Variants in KREMEN1 observed in about 807,000 individuals in gnomAD.
KREMEN1 encodes the protein kringle containing transmembrane protein 1.
KREMEN1 carries 30 observed loss-of-function variants against 46.5 expected under a neutral mutation model. The ratio of observed to expected loss-of-function variants is 0.65; its 90% CI spans 0.48 to 0.88. The LOEUF (loss-of-function observed/expected upper bound fraction) is 0.88. KREMEN1 is among the 40% of genes least tolerant of loss of function. The pLI, the probability that KREMEN1 is intolerant of heterozygous loss-of-function variation, is 0.00. For synonymous variants in KREMEN1, 214 were observed against 230.6 expected (o/e 0.93, Z 0.65); for missense variants, 533 against 596.9 (o/e 0.89, Z 1.11).
intron 3 of KREMEN1, chr22:29,111,471 GGGC>G (rs1189405226): frequency 1.3e-5 from 2 of 151,728 alleles, no homozygotes; most frequent in African/African-American, 4.8e-5. Flanking sequence ...AAAATTAGCC[GGGC>G]GTGGTGGCGG....
At chr22:29,127,935 A>G (rs2038471852) in intron 5 of KREMEN1, among the ~76,000 whole-genome samples, 2 of 152,190 alleles carry the variant, frequency 1.3e-5, no homozygotes, top group Admixed American at 1.3e-4. Context: ...ATGCTACAAC[A>G]TGGATGAACC....
At chr22:29,157,017 A>C (rs1160903971) in intron 9 of KREMEN1, among the ~76,000 whole-genome samples, 2 of 152,182 alleles carry the variant, frequency 1.3e-5, no homozygotes, top group African/African-American at 4.8e-5. Flanking sequence ...CCTGCTGGTA[A>C]GTGGGGGTAA....
intron 9 of KREMEN1, among the ~76,000 whole-genome samples, chr22:29,159,707 G>T (rs1175402186): frequency 1.3e-5 from 2 of 152,208 alleles, no homozygotes; most frequent in Non-Finnish European, 2.9e-5. Flanking sequence ...GAGCAAGACT[G>T]GTCAGAAACA....
intron 1 of KREMEN1, among the ~76,000 whole-genome samples, chr22:29,085,759 G>C (rs773479788): frequency 7.9e-5 from 12 of 152,170 alleles, no homozygotes; most frequent in African/African-American, 2.7e-4. Flanking sequence ...TGGATAGCTT[G>C]AGCCCAGGAG....
At chr22:29,159,396 G>A (rs1222526246) in intron 9 of KREMEN1, among the ~76,000 whole-genome samples, 1 of 151,668 alleles carries the variant, frequency 6.6e-6, no homozygotes, top group Admixed American at 6.6e-5. Context: ...TGAGGCGGGT[G>A]GATCTTGAGG....
downstream of KREMEN1, among the ~76,000 whole-genome samples, chr22:29,150,961 C>T (rs545996737): frequency 6.6e-6 from 1 of 152,340 alleles, no homozygotes; most frequent in Admixed American, 6.5e-5. Flanking sequence ...GTCCTTACTC[C>T]TGTTGAGCTG....
intron 2 of KREMEN1, among the ~76,000 whole-genome samples, chr22:29,094,725 G>A (rs1288443383): frequency 3.3e-5 from 5 of 150,052 alleles, no homozygotes; most frequent in African/African-American, 9.8e-5. Context: ...CCGGGTTCAC[G>A]CCATTCTCCT....
rs145839321 is a variant in KREMEN1, at chr22:29,109,333, A to G, written c.352+10380A>G. 1.6e-3 allele frequency among the ~76,000 whole-genome samples: 239 copies of G among 152,310 alleles called. 6 individuals are homozygous for G. Among genetic ancestry groups the G allele is most frequent in the East Asian group, 3.9e-3 (20 of 5,190 alleles). ...AAAATCTTTATACCAGCACTTGCCT[A>G]TAAGGAAGAAATAGCCCCTCAATCT... On this transcript the variant is annotated intron_variant, in intron 3 of 8. Coordinates refer to ENST00000400335, the MANE Select transcript of KREMEN1 (RefSeq NM_001039570.3).
At chr22:29,141,307 G>A (rs920081528) in intron 8 of KREMEN1, among the ~76,000 whole-genome samples, 2 of 150,524 alleles carry the variant, frequency 1.3e-5, no homozygotes, top group Non-Finnish European at 2.9e-5. Context: ...GTCTGTGTGT[G>A]TGTGTATGTG....
At chr22:29,099,695 C>T (rs2037944077) in intron 3 of KREMEN1, among the ~76,000 whole-genome samples, 2 of 152,024 alleles carry the variant, frequency 1.3e-5, no homozygotes, top group Admixed American at 6.6e-5. Context: ...GGACTGCAGG[C>T]GTGCACCACC....
At chr22:29,159,810 C>T (rs764594310) in intron 9 of KREMEN1, among the ~76,000 whole-genome samples, 4 of 152,002 alleles carry the variant, frequency 2.6e-5, no homozygotes, top group East Asian at 1.9e-4. Context: ...GGATGAAGTC[C>T]GTGCCCATAT....
At chr22:29,160,141 C>T (rs1234009981) in intron 9 of KREMEN1, among the ~76,000 whole-genome samples, 3 of 152,140 alleles carry the variant, frequency 2.0e-5, no homozygotes, top group African/African-American at 7.2e-5. Flanking sequence ...AGATCAACCA[C>T]ATGCTCAGCC....
intron 5 of KREMEN1, among the ~76,000 whole-genome samples, chr22:29,131,217 A>AT (rs2038528348): frequency 6.6e-6 from 1 of 152,092 alleles, no homozygotes; most frequent in Non-Finnish European, 1.5e-5. Context: ...GAATAAACTG[A>AT]GATATACAGA....
At chr22:29,115,511 C>T (rs1393555678) in intron 3 of KREMEN1, among the ~76,000 whole-genome samples, 1 of 152,114 alleles carries the variant, frequency 6.6e-6, no homozygotes, top group East Asian at 1.9e-4. Context: ...AGTGCTTGTT[C>T]ATTCAGCATA....
chr22:29,139,665 C>T (rs2038729745), intron 7 of KREMEN1, among the ~76,000 whole-genome samples: 1 of 150,840 alleles, frequency 6.6e-6, no homozygotes, highest in South Asian at 2.1e-4. Flanking sequence ...CTCAGCTACT[C>T]GGGAGGCTGA....
intron 5 of KREMEN1, among the ~76,000 whole-genome samples, chr22:29,132,217 GT>G (rs950416078): frequency 3.3e-5 from 5 of 152,062 alleles, no homozygotes; most frequent in Admixed American, 2.0e-4. Context: ...TGTATCAGTA[GT>G]TTTTTTCCTT....
Position 29,144,083 on chromosome 22 carries a change from C to G in KREMEN1, c.*1971C>G. The G allele has an allele frequency of 1.0e-6, 1 of 985,550 alleles. No individual in the cohort carries two copies. Among genetic ancestry groups the G allele is most frequent in the Non-Finnish European group, 1.2e-6 (1 of 830,000 alleles). 61.1% of individuals were successfully genotyped at this position (985,550 alleles called of 1,614,324 possible). On this transcript the variant is annotated 3_prime_UTR_variant, in exon 9 of 9. Transcript: ENST00000400335. ...GAAAAGCAGCCTGTGCCTCTGCTGG[C>G]CAGGCCTAGGCCCTCGTCAGAGCGT...
Position 29,073,084 on chromosome 22 carries a change from G to A in KREMEN1, c.-47G>A, listed in dbSNP as rs2037494586. 3.5e-6 allele frequency: 2 copies of A among 573,032 alleles called. No homozygotes were observed. The highest frequency in any genetic ancestry group is 4.4e-6 in the Non-Finnish European group (2 of 453,160). The allele number at this position is 573,032 out of a possible 1,614,324, so 35.5% of individuals were successfully genotyped here. A position where few individuals can be genotyped will look rare whatever the true frequency, so the allele number is the denominator to read the frequency against. Reference sequence around the variant, plus strand: ...ATGGCCGCCCCCGGCTCCCCGCGCTGCCCCCTTTACCCCGGGCCGCGCCCC... The same window carrying A: ...ATGGCCGCCCCCGGCTCCCCGCGCTACCCCCTTTACCCCGGGCCGCGCCCC... On this transcript the variant is annotated 5_prime_UTR_variant, in exon 1 of 9. Coordinates refer to ENST00000400335, the MANE Select transcript of KREMEN1 (RefSeq NM_001039570.3). The surrounding 1 kb of genome is among the most constrained non-coding windows in gnomAD (Gnocchi z 4.4).
In KREMEN1 at chr22:29,137,460, G is replaced by T; in HGVS notation, c.750G>T (p.Gly250=). 5.0e-6 allele frequency: 8 copies of T among 1,605,488 alleles called. No individual in the cohort carries two copies. Among genetic ancestry groups the T allele is most frequent in the Non-Finnish European group, 6.8e-6 (8 of 1,172,884 alleles). The change falls in exon 6 of 9, where the codon GGG becomes GGT. Residue 250 remains glycine (G), a synonymous_variant. Transcript: ENST00000400335. Reference sequence around the variant, plus strand: ...GCTACTGGACCATCCGGGTTCCGGGGGCCTCCCACATCCACTTCAGCTTCC... The same window carrying T: ...GCTACTGGACCATCCGGGTTCCGGGTGCCTCCCACATCCACTTCAGCTTCC... ...RVCYWTIRVP[G]ASHIHFSFPL...
Sources: allele counts gnomAD v4.1 joint callset (sites outside exome capture counted in the v4.1 genomes callset), GRCh38; gene constraint gnomAD v4.1.1; non-coding constraint Gnocchi (gnomAD v3.1); transcripts MANE v1.5; gene names NCBI Gene and HGNC (gene_info 2026-07-23, HGNC 2026-07-21).